The following GFRA1 variants were observed in gnomAD, a reference collection of about 807,000 sequenced individuals.
GFRA1 encodes the protein GDNF family receptor alpha 1, also known as GDNF family receptor alpha-1.
GFRA1 carries 16 observed loss-of-function variants against 51.6 expected under a neutral mutation model. The observed-to-expected ratio is 0.31, with a 90% CI of 0.21 to 0.47. The LOEUF (loss-of-function observed/expected upper bound fraction) is 0.47. Among genes scored for constraint, GFRA1 ranks in the 20% least tolerant of loss-of-function variants. GFRA1 has a pLI of 1.00. For synonymous variants in GFRA1, 270 were observed against 241.3 expected, an observed-to-expected ratio of 1.12 and a Z score of -1.10; for missense variants, 530 against 594.3, an observed-to-expected ratio of 0.89 and a Z score of 1.13.
intron 5 of GFRA1, among the ~76,000 whole-genome samples, chr10:116,134,821 T>G (rs1958253603): frequency 6.6e-6 from 1 of 152,176 alleles, no homozygotes; most frequent in Admixed American, 6.5e-5. Flanking sequence ...AGCGCTTCCA[T>G]TTCCTTAACG....
chr10:116,090,115 A>C (rs1956272076), intron 8 of GFRA1, among the ~76,000 whole-genome samples, 193 bp from the exon 9 acceptor site: 1 of 152,158 alleles, frequency 6.6e-6, no homozygotes, highest in African/African-American at 2.4e-5. Context: ...AAATCAATTC[A>C]GTCATTACAC....
intron 5 of GFRA1, among the ~76,000 whole-genome samples, chr10:116,157,920 T>C (rs1959318126): frequency 6.6e-6 from 1 of 152,214 alleles, no homozygotes; most frequent in South Asian, 2.1e-4. Context: ...GATGCTCTGA[T>C]GATCCCCTGG....
chr10:116,082,585 A>G (rs1322095487), intron 9 of GFRA1, among the ~76,000 whole-genome samples: 1 of 151,932 alleles, frequency 6.6e-6, no homozygotes, highest in Non-Finnish European at 1.5e-5. Context: ...GATTCAAGCG[A>G]TTCTCCTGCT....
intron 5 of GFRA1, among the ~76,000 whole-genome samples, chr10:116,132,114 G>A (rs1463566848): frequency 6.6e-6 from 1 of 151,978 alleles, no homozygotes; most frequent in Non-Finnish European, 1.5e-5. Flanking sequence ...AGGCTGAGGT[G>A]GGAGGATTAC....
intron 4 of GFRA1, among the ~76,000 whole-genome samples, chr10:116,224,085 C>A (rs777920048): frequency 1.3e-5 from 2 of 152,166 alleles, no homozygotes; most frequent in Non-Finnish European, 2.9e-5. Context: ...TCTCAGCCTC[C>A]AGAACTGTGA....
chr10:116,261,328 C>T (rs930713876), intron 4 of GFRA1, among the ~76,000 whole-genome samples: 3 of 152,158 alleles, frequency 2.0e-5, no homozygotes, highest in East Asian at 3.9e-4. Flanking sequence ...CAGTCAAATA[C>T]GGGGACGGGA....
At chr10:116,152,922 T>C (rs1290447817) in intron 5 of GFRA1, among the ~76,000 whole-genome samples, 3 of 152,238 alleles carry the variant, frequency 2.0e-5, no homozygotes, top group Admixed American at 1.3e-4. Context: ...AGACAGTAGA[T>C]GACAAGTGCT....
chr10:116,104,342 T>C (rs764203361), intron 6 of GFRA1, among the ~76,000 whole-genome samples: 17 of 152,220 alleles, frequency 1.1e-4, no homozygotes, highest in Non-Finnish European at 2.2e-4. Context: ...CTCATCCTGA[T>C]ACATGGGGCT....
intron 5 of GFRA1, among the ~76,000 whole-genome samples, chr10:116,138,921 GT>G (rs1270595932): frequency 1.3e-5 from 2 of 152,198 alleles, no homozygotes; most frequent in Non-Finnish European, 2.9e-5. Flanking sequence ...GAAGAATGAA[GT>G]TTAAGCCTCA....
intron 4 of GFRA1, among the ~76,000 whole-genome samples, chr10:116,263,333 T>C (rs1969427925): frequency 1.3e-5 from 2 of 152,156 alleles, no homozygotes; most frequent in Non-Finnish European, 1.5e-5. Flanking sequence ...GAGGACCAAG[T>C]ATGTTTCAGG....
intron 2 of GFRA1, 76 bp from the exon 3 acceptor site, chr10:116,271,191 C>T (rs1276328636): frequency 7.5e-7 from 1 of 1,341,628 alleles, no homozygotes; most frequent in Non-Finnish European, 1.0e-6. Flanking sequence ...CGAGGGCGCG[C>T]GCCCGGGTCA....
At chr10:116,087,303 G>T (rs1416360106) in intron 9 of GFRA1, among the ~76,000 whole-genome samples, 1 of 152,118 alleles carries the variant, frequency 6.6e-6, no homozygotes, top group Non-Finnish European at 1.5e-5. Context: ...GTGTGGAAGA[G>T]AACACCTCCT....
chr10:116,129,138 T>A (rs759541466), intron 5 of GFRA1, among the ~76,000 whole-genome samples: 2 of 152,204 alleles, frequency 1.3e-5, no homozygotes, highest in African/African-American at 4.8e-5. Flanking sequence ...TATTTCAGAT[T>A]CTCATTCACA....
intron 5 of GFRA1, among the ~76,000 whole-genome samples, chr10:116,200,483 G>T (rs886496212): frequency 6.6e-6 from 1 of 152,244 alleles, no homozygotes; most frequent in Non-Finnish European, 1.5e-5. Context: ...TAGTGAGTAT[G>T]TAACTCTTAT....
chr10:116,248,665 G>A (rs938323488), intron 4 of GFRA1, among the ~76,000 whole-genome samples: 1 of 152,168 alleles, frequency 6.6e-6, no homozygotes, highest in African/African-American at 2.4e-5. Context: ...AACTCCTGTA[G>A]GCCTGCAACA....
chr10:116,093,666 G>A (rs368838754), intron 8 of GFRA1, 36 bp downstream of exon 8: 76 of 1,599,212 alleles, frequency 4.8e-5, no homozygotes, highest in South Asian at 9.9e-5. Context: ...AAGAAAATGC[G>A]TTTGCTCCTT....
intron 5 of GFRA1, among the ~76,000 whole-genome samples, chr10:116,202,022 C>T (rs1020363479): frequency 2.0e-5 from 3 of 152,214 alleles, no homozygotes; most frequent in Admixed American, 6.5e-5. Context: ...ACTCAGCCCA[C>T]ACAAAACACC....
chr10:116,227,464 C>T (rs1488402082), intron 4 of GFRA1, among the ~76,000 whole-genome samples: 2 of 152,182 alleles, frequency 1.3e-5, no homozygotes, highest in African/African-American at 2.4e-5. Context: ...AAAGCTAATG[C>T]CTTTAATAAG....
At chr10:116,097,099 T>C (rs1290222004) in intron 6 of GFRA1, among the ~76,000 whole-genome samples, 1 of 152,074 alleles carries the variant, frequency 6.6e-6, no homozygotes, top group Non-Finnish European at 1.5e-5. Flanking sequence ...ACTAGACTTA[T>C]TTGCATCTTT....
Sources: allele counts gnomAD v4.1 joint callset (sites outside exome capture counted in the v4.1 genomes callset), GRCh38; gene constraint gnomAD v4.1.1; transcripts MANE v1.5; gene names NCBI Gene and HGNC (gene_info 2026-07-23, HGNC 2026-07-21).